The following RALYL variants were observed in gnomAD, a reference collection of about 807,000 sequenced individuals.
The protein encoded by RALYL is RALY RNA binding protein like, also known as RNA-binding Raly-like protein.
RALYL carries 29 observed loss-of-function variants against 35.1 expected under a neutral mutation model. That is an observed-to-expected ratio of 0.83 (90% CI 0.61 to 1.13). RALYL has a LOEUF of 1.13. RALYL is among the 50% of genes most tolerant of loss of function. RALYL has a pLI of 0.00. For missense variants in RALYL, 359 were observed against 360.4 expected (o/e 1.00, Z 0.03); for synonymous variants, 120 against 127.6 (o/e 0.94, Z 0.40).
chr8:84,857,566 T>C (rs1186214577), intron 5 of RALYL, among the ~76,000 whole-genome samples: 1 of 152,166 alleles, frequency 6.6e-6, no homozygotes, highest in Non-Finnish European at 1.5e-5. Flanking sequence ...GACAGTAAAA[T>C]ATAAGCATCA....
At chr8:84,661,745 T>C (rs1830970539) in intron 2 of RALYL, among the ~76,000 whole-genome samples, 1 of 152,096 alleles carries the variant, frequency 6.6e-6, no homozygotes, top group South Asian at 2.1e-4. Context: ...ACTCGTCATC[T>C]AGCAGTTTTC....
intron 1 of RALYL, among the ~76,000 whole-genome samples, chr8:84,209,280 A>G (rs1550210): frequency 0.48 from 73,214 of 151,998 alleles, 18,617 homozygotes; most frequent in African/African-American, 0.65. Flanking sequence ...TGAACAAAAC[A>G]TAAGTGCTGG....
intron 2 of RALYL, among the ~76,000 whole-genome samples, chr8:84,767,907 T>G (rs1416161836): frequency 6.6e-6 from 1 of 152,198 alleles, no homozygotes; most frequent in African/African-American, 2.4e-5. Context: ...TTAACTAGGC[T>G]TTTTGAAATA....
chr8:84,642,382 C>A (rs762004903), intron 2 of RALYL, among the ~76,000 whole-genome samples: 2 of 151,568 alleles, frequency 1.3e-5, no homozygotes, highest in Non-Finnish European at 2.9e-5. Flanking sequence ...AGAAAAAAAA[C>A]TCTTTTACCT....
chr8:84,630,378 C>A lies in RALYL; in HGVS notation c.256+100801C>A, dbSNP rs372430118. 9.9e-5 allele frequency among the ~76,000 whole-genome samples: 15 copies of A among 151,860 alleles called. No homozygotes were observed. The East Asian group carries it at 2.5e-3, about 26-fold the overall frequency. On this transcript the variant is annotated intron_variant, in intron 2 of 8. Coordinates refer to ENST00000521268, the MANE Select transcript of RALYL (RefSeq NM_173848.7). ...TACATGAAGATAGCCAGGGAGGCCA[C>A]CAAACTTTAAAAAACTTCAAACAAC...
chr8:84,436,952 G>T (rs560720576), intron 1 of RALYL, among the ~76,000 whole-genome samples: 2 of 151,954 alleles, frequency 1.3e-5, no homozygotes, highest in Non-Finnish European at 2.9e-5. Context: ...TGATGCTGGG[G>T]TTGCTGCGAT....
intron 1 of RALYL, among the ~76,000 whole-genome samples, chr8:84,390,779 T>C (rs1272910634): frequency 5.3e-5 from 8 of 151,904 alleles, no homozygotes; most frequent in Admixed American, 6.6e-5. Context: ...ACTGAGCCCA[T>C]GGAAACGCAG....
chr8:84,690,080 G>A (rs1012609813), intron 2 of RALYL, among the ~76,000 whole-genome samples: 15 of 152,028 alleles, frequency 9.9e-5, no homozygotes, highest in African/African-American at 3.6e-4. Context: ...TCACTCCTCT[G>A]TTCATTGCAG....
intron 1 of RALYL, among the ~76,000 whole-genome samples, chr8:84,240,781 A>G (rs759328048): frequency 4.1e-4 from 63 of 152,212 alleles, no homozygotes; most frequent in Admixed American, 7.9e-4. Flanking sequence ...TGTGATAAAA[A>G]GCTCAAATTT....
chr8:84,821,963 T>C (rs781344940), intron 4 of RALYL, among the ~76,000 whole-genome samples: 4 of 152,198 alleles, frequency 2.6e-5, no homozygotes, highest in Non-Finnish European at 5.9e-5. Flanking sequence ...ATTCAAAATA[T>C]ACCATTAGAA....
At chr8:84,584,329 G>A (rs1323381145) in intron 2 of RALYL, among the ~76,000 whole-genome samples, 1 of 152,126 alleles carries the variant, frequency 6.6e-6, no homozygotes, top group Non-Finnish European at 1.5e-5. Flanking sequence ...TTAAGGCCAG[G>A]CGTGGTGGCT....
intron 1 of RALYL, among the ~76,000 whole-genome samples, chr8:84,271,466 T>TTG (rs60994368): frequency 0.082 from 11,746 of 143,582 alleles, 872 homozygotes; most frequent in African/African-American, 0.2. Flanking sequence ...TAGAAAATAG[T>TTG]TGTGTGTGTG....
intron 4 of RALYL, among the ~76,000 whole-genome samples, chr8:84,809,991 G>T (rs1172457541): frequency 6.6e-6 from 1 of 151,842 alleles, no homozygotes; most frequent in African/African-American, 2.4e-5. Flanking sequence ...ATTTAGTTCT[G>T]CTCTGATCTT....
intron 1 of RALYL, among the ~76,000 whole-genome samples, chr8:84,420,178 C>T (rs982245415): frequency 2.0e-4 from 30 of 151,976 alleles, no homozygotes; most frequent in Non-Finnish European, 1.9e-4. Flanking sequence ...TAAAAGTGTT[C>T]CTATTTCTCC....
At chr8:84,810,180 G>T (rs1825597978) in intron 4 of RALYL, among the ~76,000 whole-genome samples, 1 of 152,060 alleles carries the variant, frequency 6.6e-6, no homozygotes, top group Non-Finnish European at 1.5e-5. Flanking sequence ...TTGATAGGTT[G>T]TGTCATTATT....
At chr8:84,183,130 G>C (rs1295983376), upstream of RALYL, 1 of 159,332 alleles carries the variant, frequency 6.3e-6, no homozygotes, top group Non-Finnish European at 1.4e-5. Context: ...CAGCAATCGC[G>C]GCAGCAGCGG....
At chr8:84,915,650 G>A (rs1723670342) in intron 8 of RALYL, among the ~76,000 whole-genome samples, 1 of 152,062 alleles carries the variant, frequency 6.6e-6, no homozygotes, top group East Asian at 1.9e-4. Context: ...CTGCTGCTCT[G>A]TTTGCAAGAT....
At chr8:84,700,871 A>T (rs931574037) in intron 2 of RALYL, among the ~76,000 whole-genome samples, 1 of 152,196 alleles carries the variant, frequency 6.6e-6, no homozygotes, top group South Asian at 2.1e-4. Flanking sequence ...ATTGCTGAAA[A>T]GATGGGTTGG....
At chr8:84,705,843 T>C in intron 2 of RALYL, 4 of 1,282,508 alleles carry the variant, frequency 3.1e-6, no homozygotes, top group Non-Finnish European at 4.1e-6. Context: ...ACAGAGTAGT[T>C]ACAGGCTGTA....
Sources: allele counts gnomAD v4.1 joint callset (sites outside exome capture counted in the v4.1 genomes callset), GRCh38; gene constraint gnomAD v4.1.1; transcripts MANE v1.5; gene names NCBI Gene and HGNC (gene_info 2026-07-23, HGNC 2026-07-21).